MTHFD1: variants seen among roughly 807,000 people sequenced by gnomAD.
MTHFD1 encodes C-1-tetrahydrofolate synthase, cytoplasmic.
In MTHFD1, 44 loss-of-function variants were observed where a neutral mutation model predicts 110.3. That is an observed-to-expected ratio of 0.40 (90% CI 0.31 to 0.51). The LOEUF (loss-of-function observed/expected upper bound fraction) is 0.51. MTHFD1 is among the 20% of genes least tolerant of loss of function. MTHFD1 has a pLI of 0.60. For synonymous variants in MTHFD1, 402 were observed against 428.8 expected (o/e 0.94, Z 0.77); for missense variants, 909 against 1,173.1 (o/e 0.77, Z 3.29).
At chr14:64,441,183 C>A (rs758237932) in intron 18 of MTHFD1, 65 of 563,196 alleles carry the variant, frequency 1.2e-4, no homozygotes, top group Non-Finnish European at 2.0e-4. Context: ...CACAGCCAGA[C>A]TCCGTCTCAA....
chr14:64,416,526 C>T (rs1433465361), intron 6 of MTHFD1, among the ~76,000 whole-genome samples: 2 of 152,056 alleles, frequency 1.3e-5, no homozygotes, highest in Admixed American at 6.6e-5. Context: ...CATATTGTCC[C>T]GTTACTAGTT....
At chr14:64,459,567 C>A (rs2078529159) in intron 27 of MTHFD1, among the ~76,000 whole-genome samples, 192 bp from the exon 28 acceptor site, 1 of 152,146 alleles carries the variant, frequency 6.6e-6, no homozygotes, top group South Asian at 2.1e-4. Flanking sequence ...AGTATTCACA[C>A]AGTACTATGG....
At chr14:64,411,757 T>C (rs8013134) in intron 3 of MTHFD1, among the ~76,000 whole-genome samples, 145,901 of 151,848 alleles carry the variant, frequency 0.96, 70,349 homozygotes, top group Middle Eastern at 1. Flanking sequence ...AAAAATTAGC[T>C]GGGTGTGGTG....
intron 2 of MTHFD1, among the ~76,000 whole-genome samples, chr14:64,407,571 A>G (rs376617123): frequency 7.2e-6 from 1 of 138,690 alleles, no homozygotes; most frequent in African/African-American, 2.7e-5. Flanking sequence ...TTGAGTCAGA[A>G]TCTTGTTCTG....
chr14:64,448,432 G>C (rs1332387234), intron 23 of MTHFD1, 115 bp downstream of exon 23: 7 of 868,348 alleles, frequency 8.1e-6, no homozygotes, highest in African/African-American at 3.3e-5. Flanking sequence ...GTTATAGCCT[G>C]TGGTTTTAGC....
At chr14:64,421,934 T>C (rs986582254) in intron 8 of MTHFD1, among the ~76,000 whole-genome samples, 5 of 152,174 alleles carry the variant, frequency 3.3e-5, no homozygotes, top group Non-Finnish European at 7.3e-5. Context: ...AAGCTCAGTC[T>C]TTTTAAAACC....
chr14:64,412,514 A>T lies in MTHFD1; in HGVS notation c.229A>T (p.Thr77Ser), dbSNP rs1442003297. 6.2e-7 allele frequency: 1 copy of T among 1,612,728 alleles called. No homozygotes were observed. Among genetic ancestry groups the T allele is most frequent in the African/African-American group, 1.3e-5 (1 of 75,014 alleles). Reference protein sequence around the residue: ...ATHIKLPRTTTESEVMKYITS... With the variant: ...ATHIKLPRTTSESEVMKYITS... ...TCACATTAAGTTACCAAGAACAACCACAGAATCTGAGGTGAGCTTTTATGA... is the reference window on the plus strand; with the variant it reads ...TCACATTAAGTTACCAAGAACAACCTCAGAATCTGAGGTGAGCTTTTATGA... Residue 77 changes from threonine to serine, a missense_variant, in exon 4 of 28, where the codon ACA (threonine) becomes TCA (serine). Transcript: ENST00000652337.
chr14:64,409,482 A>G (rs1280665932), intron 2 of MTHFD1, among the ~76,000 whole-genome samples: 1 of 152,306 alleles, frequency 6.6e-6, no homozygotes, highest in East Asian at 1.9e-4. Flanking sequence ...TATGAATGAA[A>G]TTGTAAAAAA....
chr14:64,431,489 A>G (rs1046133468), intron 13 of MTHFD1, 43 bp from the exon 14 acceptor site: 11 of 1,508,752 alleles, frequency 7.3e-6, no homozygotes, highest in Middle Eastern at 1.7e-4. Context: ...TTGGAAAGAT[A>G]CAGAGCAGCT....
In MTHFD1 at chr14:64,392,582, A is replaced by AG. The variant is rs766138115; in HGVS notation, c.41+4117dup. Among the ~76,000 whole-genome samples the AG allele has an allele frequency of 8.5e-5, 13 of 152,272 alleles. No individual in the cohort carries two copies. In the South Asian group the frequency reaches 1.5e-3, roughly 17 times the overall value. On this transcript the variant is annotated intron_variant, in intron 1 of 27. Transcript: ENST00000652337. Reference sequence around the variant, plus strand: ...CTGCGAGTGTTTGCTGGCCAAGTGCAGGGCAAGTTGGGTATATTTGTAAGC... The same window carrying AG: ...CTGCGAGTGTTTGCTGGCCAAGTGCAGGGGCAAGTTGGGTATATTTGTAAGC...
At chr14:64,444,334 G>T (rs1322375335) in intron 21 of MTHFD1, among the ~76,000 whole-genome samples, 2 of 151,446 alleles carry the variant, frequency 1.3e-5, no homozygotes, top group Non-Finnish European at 2.9e-5. Context: ...ACTTCCGCAG[G>T]CCCGACCGCT....
At chr14:64,406,490 GTT>G (rs56712265) in intron 2 of MTHFD1, among the ~76,000 whole-genome samples, 8 of 123,112 alleles carry the variant, frequency 6.5e-5, no homozygotes, top group Admixed American at 1.7e-4. Context: ...TTTATTTGTG[GTT>G]TTTTTTTTTT....
intron 21 of MTHFD1, among the ~76,000 whole-genome samples, chr14:64,444,309 A>C (rs2078272579): frequency 6.6e-6 from 1 of 151,644 alleles, no homozygotes; most frequent in Non-Finnish European, 1.5e-5. Flanking sequence ...CTCTATCGAC[A>C]GACATCCCAG....
chr14:64,449,489 G>T lies in MTHFD1; in HGVS notation c.2324G>T (p.Arg775Ile). The change falls in exon 24 of 28, where the codon AGA (arginine) becomes ATA (isoleucine). Residue 775 changes from arginine to isoleucine, a missense_variant. Around this residue, in one of 3 missense-constraint regions of MTHFD1, gnomAD observed 482 missense variants for 646.0 expected, o/e 0.75. Transcript: ENST00000652337. ...SELDLISRLS[R>I]EHGAFDAVKC... ...CTGGACCTCATCAGCCGCCTTTCCA[G>T]AGAACATGGGGCTTTTGATGCCGTG... The T allele has an allele frequency of 6.2e-7, 1 of 1,614,058 alleles. No homozygotes were observed. Among genetic ancestry groups the T allele is most frequent in the Non-Finnish European group, 8.5e-7 (1 of 1,180,042 alleles).
intron 1 of MTHFD1, among the ~76,000 whole-genome samples, chr14:64,390,097 T>A (rs1166494078): frequency 2.6e-5 from 4 of 152,228 alleles, no homozygotes; most frequent in Non-Finnish European, 5.9e-5. Flanking sequence ...CCTGCCTTAC[T>A]ACTTGTGTGG....
Position 64,444,738 on chromosome 14 carries a change from A to G in MTHFD1, c.2178+4A>G. 6.2e-7 allele frequency: 1 copy of G among 1,614,032 alleles called. No individual in the cohort carries two copies. The highest frequency in any genetic ancestry group is 1.3e-5 in the African/African-American group (1 of 75,034). ...TCCCAAGGCTTACATACAGGAGGTAACCTGAGTTATTTCTCATCACGTGTC... is the reference window on the plus strand; with the variant it reads ...TCCCAAGGCTTACATACAGGAGGTAGCCTGAGTTATTTCTCATCACGTGTC... On this transcript the variant is annotated splice_donor_region_variant and intron_variant, in intron 22 of 27. Coordinates refer to ENST00000652337, the MANE Select transcript of MTHFD1 (RefSeq NM_005956.4).
At chr14:64,397,138 AATATATATATATATATATAT>A (rs1182197415) in intron 1 of MTHFD1, among the ~76,000 whole-genome samples, 41 of 11,940 alleles carry the variant, frequency 3.4e-3, no homozygotes, top group African/African-American at 3.6e-3. Context: ...AAAAAAAAAA[AATATATATATATATATATAT>A]ATATATATAT....
chr14:64,455,902 G>A (rs549778170), intron 26 of MTHFD1, among the ~76,000 whole-genome samples: 1 of 152,294 alleles, frequency 6.6e-6, no homozygotes, highest in South Asian at 2.1e-4. Flanking sequence ...TGCCTCCTTA[G>A]CTCTCTATAG....
At chr14:64,391,491 T>A (rs953166787) in intron 1 of MTHFD1, among the ~76,000 whole-genome samples, 6 of 152,164 alleles carry the variant, frequency 3.9e-5, no homozygotes, top group Non-Finnish European at 5.9e-5. Flanking sequence ...CTTTACAGTC[T>A]TCCTCTCATT....
Sources: gnomAD v4.1 joint callset for allele counts (sites outside exome capture counted in the v4.1 genomes callset) on GRCh38, gnomAD v4.1.1 for gene constraint, gnomAD v4.1.1 regional missense constraint, MANE v1.5 for transcripts, NCBI Gene and HGNC (gene_info 2026-07-23, HGNC 2026-07-21) for gene names.